Variants in RNLS observed in about 807,000 individuals in gnomAD.
The protein encoded by RNLS is renalase.
In RNLS, 39 loss-of-function variants were observed where a neutral mutation model predicts 39.8. The ratio of observed to expected loss-of-function variants is 0.98; its 90% confidence interval spans 0.76 to 1.28. The LOEUF (loss-of-function observed/expected upper bound fraction) is 1.28, where lower values mean the gene tolerates loss of function less well. Ranked by LOEUF, RNLS falls within the 50% of genes most tolerant of loss-of-function variation. The pLI is 0.00. For synonymous variants in RNLS, 147 were observed against 150.7 expected (o/e 0.98, Z 0.18); for missense variants, 410 against 413.3 (o/e 0.99, Z 0.07).
chr10:88,498,749 A>G (rs1447688263), intron 4 of RNLS, among the ~76,000 whole-genome samples: 1 of 151,992 alleles, frequency 6.6e-6, no homozygotes, highest in East Asian at 1.9e-4. Context: ...GAACAGTTCA[A>G]AAAGAAAGAC....
At chr10:88,412,385 T>C (rs967130276) in intron 4 of RNLS, among the ~76,000 whole-genome samples, 1 of 151,970 alleles carries the variant, frequency 6.6e-6, no homozygotes, top group African/African-American at 2.4e-5. Context: ...AGAAACTCAC[T>C]GACTTGGGTT....
chr10:88,346,459 G>A (rs1589608483), intron 5 of RNLS, among the ~76,000 whole-genome samples: 1 of 152,138 alleles, frequency 6.6e-6, no homozygotes, highest in Admixed American at 6.6e-5. Flanking sequence ...TTCTAATTGC[G>A]AAGAACTCAC....
chr10:88,429,518 C>T (rs1417872469), intron 4 of RNLS, among the ~76,000 whole-genome samples: 1 of 151,870 alleles, frequency 6.6e-6, no homozygotes, highest in African/African-American at 2.4e-5. Context: ...CATTTCCTGA[C>T]CCCAAATCCA....
chr10:88,537,470 T>C (rs1391389387), intron 4 of RNLS, among the ~76,000 whole-genome samples: 5 of 152,176 alleles, frequency 3.3e-5, no homozygotes, highest in Non-Finnish European at 7.3e-5. Flanking sequence ...CCACCAAGGG[T>C]GAAATGGATA....
chr10:88,466,843 A>G (rs74147207), intron 4 of RNLS, among the ~76,000 whole-genome samples: 2 of 152,318 alleles, frequency 1.3e-5, no homozygotes, highest in African/African-American at 2.4e-5. Flanking sequence ...AGAATGTTTG[A>G]GCACAGTGGA....
the RNLS span, among the ~76,000 whole-genome samples, chr10:88,237,107 A>G: frequency 6.6e-6 from 1 of 151,852 alleles, no homozygotes; most frequent in East Asian, 1.9e-4. Flanking sequence ...TCTTCAAATT[A>G]TATTTCTAGG....
chr10:88,187,169 T>TATATATATAATATATATAATATATATA, the RNLS span, among the ~76,000 whole-genome samples: 3 of 116,532 alleles, frequency 2.6e-5, no homozygotes, highest in African/African-American at 6.8e-5. Flanking sequence ...ATATATATAA[T>TATATATATAATATATATAATATATATA]ATATATATAA....
intron 4 of RNLS, among the ~76,000 whole-genome samples, chr10:88,434,230 G>A (rs1855316145): frequency 6.6e-6 from 1 of 152,070 alleles, no homozygotes; most frequent in African/African-American, 2.4e-5. Flanking sequence ...ACTAGTCGAT[G>A]TAGTCATATC....
At chr10:88,315,753 T>TTA in intron 5 of RNLS, among the ~76,000 whole-genome samples, 1 of 151,444 alleles carries the variant, frequency 6.6e-6, no homozygotes, top group East Asian at 1.9e-4. Flanking sequence ...TTTTTTTTTT[T>TTA]AATGAGAATA....
chr10:88,176,674 G>T, the RNLS span, among the ~76,000 whole-genome samples: 1 of 151,852 alleles, frequency 6.6e-6, no homozygotes, highest in Non-Finnish European at 1.5e-5. Flanking sequence ...TCTAATTTCT[G>T]TATCTGCTCT....
chr10:88,382,303 T>G (rs1851579197), intron 4 of RNLS, among the ~76,000 whole-genome samples: 1 of 152,146 alleles, frequency 6.6e-6, no homozygotes, highest in Non-Finnish European at 1.5e-5. Context: ...TTGTGTCTAT[T>G]GTGCATGACA....
the RNLS span, among the ~76,000 whole-genome samples, chr10:88,233,820 T>C: frequency 6.6e-6 from 1 of 152,104 alleles, no homozygotes; most frequent in Non-Finnish European, 1.5e-5. Context: ...TGCATGCTTA[T>C]GCATGCTCTA....
intron 4 of RNLS, among the ~76,000 whole-genome samples, chr10:88,559,009 C>T (rs561312816): frequency 1.2e-4 from 18 of 152,134 alleles, no homozygotes; most frequent in African/African-American, 3.6e-4. Context: ...ACAGGACTTT[C>T]GTTCTTTGTG....
chr10:88,355,952 G>A (rs985278360), intron 5 of RNLS, among the ~76,000 whole-genome samples: 7 of 152,306 alleles, frequency 4.6e-5, no homozygotes, highest in South Asian at 2.1e-4. Flanking sequence ...CTTGCAGTTC[G>A]ATCTCAGACT....
chr10:88,177,684 T>C, the RNLS span, among the ~76,000 whole-genome samples: 1 of 152,266 alleles, frequency 6.6e-6, no homozygotes, highest in Non-Finnish European at 1.5e-5. Flanking sequence ...TGTTGATATT[T>C]GTGCATCTGG....
intron 4 of RNLS, among the ~76,000 whole-genome samples, chr10:88,563,272 G>A (rs972408390): frequency 3.9e-5 from 6 of 151,996 alleles, no homozygotes; most frequent in Non-Finnish European, 8.8e-5. Context: ...AAAATCAAGC[G>A]GGCTTTATTC....
the RNLS span, among the ~76,000 whole-genome samples, chr10:88,233,562 G>A: frequency 2.6e-3 from 390 of 152,244 alleles, no homozygotes; most frequent in African/African-American, 7.1e-3. Context: ...TAAACAACGC[G>A]TAATCATCTG....
At chr10:88,390,736 GGT>G (rs1163290533) in intron 4 of RNLS, among the ~76,000 whole-genome samples, 1 of 152,070 alleles carries the variant, frequency 6.6e-6, no homozygotes, top group East Asian at 1.9e-4. Flanking sequence ...TCTTGGGAAG[GGT>G]GTCTCAAAGT....
intron 3 of RNLS, 118 bp from the exon 4 acceptor site, chr10:88,573,179 A>T (rs1005594410): frequency 5.7e-6 from 5 of 870,022 alleles, no homozygotes; most frequent in Middle Eastern, 4.8e-4. Flanking sequence ...ACTGTCTTCT[A>T]CTGTCCTCCA....
Sources: gnomAD v4.1 joint callset for allele counts (sites outside exome capture counted in the v4.1 genomes callset) on GRCh38, gnomAD v4.1.1 for gene constraint, MANE v1.5 for transcripts, NCBI Gene and HGNC (gene_info 2026-07-23, HGNC 2026-07-21) for gene names.